Variants in RFLNA observed in about 807,000 individuals in gnomAD.
RFLNA encodes the protein refilin-A.
Under a neutral mutation model 7.8 loss-of-function variants are expected in RFLNA, and 5 were observed. That is an observed-to-expected ratio of 0.64 (90% CI 0.34 to 1.35). The LOEUF (loss-of-function observed/expected upper bound fraction) is 1.35, where lower values mean the gene tolerates loss of function less well. Ranked by LOEUF, RFLNA falls within the 40% of genes most tolerant of loss-of-function variation. The probability of loss-of-function intolerance (pLI) is 0.04; values close to 1 mark genes in which losing one functional copy is unlikely to be tolerated. For missense variants in RFLNA, 278 were observed against 305.5 expected, an observed-to-expected ratio of 0.91 and a Z score of 0.67; for synonymous variants, 141 against 131.3, an observed-to-expected ratio of 1.07 and a Z score of -0.50.
chr12:124,300,777 CGGATGGATGGAT>C (rs59223953), intron 1 of RFLNA, among the ~76,000 whole-genome samples: 67 of 70,062 alleles, frequency 9.6e-4, no homozygotes, highest in African/African-American at 2.7e-3. Context: ...GATGGATTGA[CGGATGGATGGAT>C]GGATGGATGG....
rs1226248856 is a variant in RFLNA at position 124,289,573 on chromosome 12, C to T, written c.-37+203C>T. Among the ~76,000 whole-genome samples the T allele has an allele frequency of 1.3e-5, 2 of 152,216 alleles. No individual in the cohort carries two copies. The highest frequency in any genetic ancestry group is 2.4e-5 in the African/African-American group (1 of 41,454). On this transcript the variant is annotated intron_variant, in intron 1 of 2. Coordinates refer to the RFLNA transcript ENST00000324038. This position sits in a 1 kb window ranked among gnomAD's most constrained non-coding sequence, Gnocchi z 5.0. The stretch of plus-strand genomic sequence containing the variant: ...AGGCACTTTGAATTCATTTTGTCCC[C>T]GCTTCCCTGTCTTAGTAGGGCAGGT...
At chr12:124,294,367 G>C (rs4644716), upstream of RFLNA, among the ~76,000 whole-genome samples, 5,880 of 152,280 alleles carry the variant, frequency 0.039, 211 homozygotes, top group East Asian at 0.14. Flanking sequence ...TGGATCCTCA[G>C]GAGTGGGGTG....
intron 1 of RFLNA, among the ~76,000 whole-genome samples, chr12:124,299,306 G>A (rs2033985742): frequency 6.6e-6 from 1 of 152,238 alleles, no homozygotes; most frequent in African/African-American, 2.4e-5. Flanking sequence ...GGTGGCAGAG[G>A]AGATTGTCTG....
intron 1 of RFLNA, among the ~76,000 whole-genome samples, chr12:124,303,845 C>G (rs1398496497): frequency 6.6e-6 from 1 of 152,068 alleles, no homozygotes; most frequent in East Asian, 1.9e-4. Flanking sequence ...CACAGACCGG[C>G]TGGGGGTGGG....
intron 2 of RFLNA, among the ~76,000 whole-genome samples, chr12:124,312,685 C>T (rs1189712427): frequency 6.6e-6 from 1 of 152,188 alleles, no homozygotes; most frequent in Non-Finnish European, 1.5e-5. Context: ...GTTGTCCAAG[C>T]ATTAGGGGAC....
upstream of RFLNA, among the ~76,000 whole-genome samples, chr12:124,294,920 G>A (rs889692680): frequency 6.6e-6 from 1 of 152,184 alleles, no homozygotes; most frequent in Non-Finnish European, 1.5e-5. Context: ...GGGAGTGGGG[G>A]ACACACGCGC....
At chr12:124,296,646 G>A (rs1192997287) in intron 1 of RFLNA, among the ~76,000 whole-genome samples, 1 of 152,194 alleles carries the variant, frequency 6.6e-6, no homozygotes, top group Non-Finnish European at 1.5e-5. Context: ...TCCCCACAGC[G>A]GAAAGGAGCG....
At chr12:124,300,837 T>C (rs1473376315) in intron 1 of RFLNA, among the ~76,000 whole-genome samples, 1 of 147,948 alleles carries the variant, frequency 6.8e-6, no homozygotes, top group South Asian at 2.1e-4. Context: ...GGTGGATGGA[T>C]GGATGGACAG....
rs74548229 is a variant in RFLNA at position 124,310,281 on chromosome 12, A to G, written c.208-1537A>G. On this transcript the variant is annotated intron_variant, in intron 1 of 2. Transcript: ENST00000546355. ...CACTTTGCTGGGCTGGCCCTGAAGG[A>G]CCCCCGAGTACAGATGGACGGGGTT... is the stretch of plus-strand genomic sequence containing the variant. 4.7e-5 allele frequency among the ~76,000 whole-genome samples: 7 copies of G among 149,498 alleles called. No homozygotes were observed. The East Asian group carries it at 1.4e-3, about 30-fold the overall frequency.
At chr12:124,312,790 CATGCATATG>C (rs2034268584) in intron 2 of RFLNA, among the ~76,000 whole-genome samples, 1 of 5,024 alleles carries the variant, frequency 2.0e-4, no homozygotes, top group South Asian at 0.17. Context: ...GGTGCCCTCC[CATGCATATG>C]ACGCATATGA....
rs773206967 is a variant in RFLNA at position 124,289,360 on chromosome 12, G to A, written c.-47G>A. 7 of 152,184 alleles carry A rather than the reference G, an allele frequency of 4.6e-5. No homozygotes were observed. Among genetic ancestry groups the A allele is most frequent in the African/African-American group, 7.2e-5 (3 of 41,440 alleles). The allele number at this position is 152,184 out of a possible 1,614,324, so 9.4% of individuals were successfully genotyped here. A position where few individuals can be genotyped will look rare whatever the true frequency, so the allele number is the denominator to read the frequency against. On this transcript the variant is annotated 5_prime_UTR_variant, in exon 1 of 3. Coordinates refer to the RFLNA transcript ENST00000324038. The surrounding 1 kb of genome is among the most constrained non-coding windows in gnomAD (Gnocchi z 5.0). ...CTCTCAGCCGTAGGCGTCTTTGCCC[G>A]GAGCTGTGAGGTGAGTCCAGCAGCC...
At position 124,300,966 on chromosome 12, in the gene RFLNA, G is replaced by A. The variant is rs755821686; in HGVS notation, c.207+5330G>A. On this transcript the variant is annotated intron_variant, in intron 1 of 2. Transcript: ENST00000546355. ...TGGAAGGATGGATGGATTGATGGAT[G>A]GATAGATGGATGGATGGAGGATGAA... Among the ~76,000 whole-genome samples, 29 of 152,082 alleles carry A rather than the reference G, an allele frequency of 1.9e-4. 1 individual carries two copies. The highest frequency in any genetic ancestry group is 5.9e-5 in the Non-Finnish European group (4 of 68,004).
chr12:124,304,290 A>G (rs1220368794), intron 1 of RFLNA, among the ~76,000 whole-genome samples: 1 of 152,106 alleles, frequency 6.6e-6, no homozygotes, highest in Admixed American at 6.5e-5. Context: ...GAGCCGTCTC[A>G]CCGCCCAGGC....
upstream of RFLNA, among the ~76,000 whole-genome samples, chr12:124,290,947 AC>A (rs2033816149): frequency 6.6e-6 from 1 of 152,012 alleles, no homozygotes. This position sits in a 1 kb window ranked among gnomAD's most constrained non-coding sequence, Gnocchi z 4.0. Flanking sequence ...TGGCAAGGAG[AC>A]CCCTTCCTTG....
In RFLNA at chr12:124,305,324, G is replaced by A. The variant is rs188371357; in HGVS notation, c.208-6494G>A. On this transcript the variant is annotated intron_variant, in intron 1 of 2. Coordinates refer to ENST00000546355, the MANE Select transcript of RFLNA (RefSeq NM_001365156.1). ...CTGCTGGCTCTGACTCAGCTGTGCC[G>A]AAGCCTGGGAGGCGGGTCCTCCTAA... Among the ~76,000 whole-genome samples, 438 of 152,312 alleles carry A rather than the reference G, an allele frequency of 2.9e-3. 2 individuals are homozygous for A. The highest frequency in any genetic ancestry group is 0.01 in the African/African-American group (416 of 41,552).
chr12:124,295,503 G>A lies in RFLNA; in HGVS notation c.74G>A (p.Ser25Asn), dbSNP rs2033891393. Reference sequence around the variant, plus strand: ...CAGGGCCGGGAGGGCTTGCTGGACAGCCCCGACTCCGGGCTGCCCCCCAGC... The same window carrying A: ...CAGGGCCGGGAGGGCTTGCTGGACAACCCCGACTCCGGGCTGCCCCCCAGC... Reference protein sequence around the residue: ...KEQGREGLLDSPDSGLPPSPS... With the variant: ...KEQGREGLLDNPDSGLPPSPS... The change falls in exon 1 of 3, where the codon AGC (serine) becomes AAC (asparagine). Residue 25 changes from serine (S) to asparagine (N), a missense_variant. Transcript: ENST00000546355. 1.6e-6 allele frequency: 2 copies of A among 1,277,676 alleles called. No individual in the cohort carries two copies. 79.1% of individuals were successfully genotyped at this position (1,277,676 alleles called of 1,614,324 possible).
In RFLNA at chr12:124,310,172, C is replaced by CAAAAAAAAAAAAAAAAAAAA. The variant is rs71088996; in HGVS notation, c.208-1641_208-1622dup. On this transcript the variant is annotated intron_variant, in intron 1 of 2. Coordinates refer to ENST00000546355, the MANE Select transcript of RFLNA (RefSeq NM_001365156.1). ...TGGGTGACAGAGAGAGACTCTGTCT[C>CAAAAAAAAAAAAAAAAAAAA]AAAAAAAAAAAAAAAAAAAAAAAAG... 9.4e-3 allele frequency among the ~76,000 whole-genome samples: 160 copies of CAAAAAAAAAAAAAAAAAAAA among 17,090 alleles called. 42 individuals are homozygous for CAAAAAAAAAAAAAAAAAAAA. The highest frequency in any genetic ancestry group is 0.011 in the Non-Finnish European group (92 of 8,240). 11.2% of individuals were successfully genotyped at this position (17,090 alleles called of 152,430 possible).
At chr12:124,299,852 C>T (rs945857152) in intron 1 of RFLNA, among the ~76,000 whole-genome samples, 1 of 152,204 alleles carries the variant, frequency 6.6e-6, no homozygotes, top group East Asian at 1.9e-4. Context: ...CCTGGACTGT[C>T]ACTGCAGATT....
At chr12:124,290,596 G>C (rs764616286), upstream of RFLNA, among the ~76,000 whole-genome samples, 2 of 152,194 alleles carry the variant, frequency 1.3e-5, no homozygotes, top group Admixed American at 6.5e-5. This position sits in a 1 kb window ranked among gnomAD's most constrained non-coding sequence, Gnocchi z 4.0. Context: ...GTGCTTGTGT[G>C]TATGTGCATA....
Sources: gnomAD v4.1 joint callset for allele counts (sites outside exome capture counted in the v4.1 genomes callset) on GRCh38, gnomAD v4.1.1 for gene constraint, Gnocchi (gnomAD v3.1) non-coding constraint, MANE v1.5 for transcripts, NCBI Gene and HGNC (gene_info 2026-07-23, HGNC 2026-07-21) for gene names.